TTC23L: variants seen among roughly 807,000 people sequenced by gnomAD.
The protein encoded by TTC23L is tetratricopeptide repeat domain 23 like.
TTC23L carries 42 observed loss-of-function variants against 48.1 expected under a neutral mutation model. The ratio of observed to expected loss-of-function variants is 0.87; its 90% confidence interval spans 0.68 to 1.13. TTC23L has a LOEUF of 1.13. Ranked by LOEUF, TTC23L falls within the 50% of genes most tolerant of loss-of-function variation. The pLI is 0.00. For synonymous variants in TTC23L, 159 were observed against 157.2 expected (o/e 1.01, Z -0.09); for missense variants, 391 against 421.0 (o/e 0.93, Z 0.62).
At chr5:34,880,226 C>G (rs116562281) in exon 9 of TTC23L, 4 of 1,613,116 alleles carry the variant, frequency 2.5e-6, no homozygotes, top group East Asian at 4.5e-5. Flanking sequence ...GCATATCGAG[C>G]AACATTGGGC....
Position 34,867,088 on chromosome 5 carries a change from G to A in TTC23L, c.840+19G>A. 6.2e-7 allele frequency: 1 copy of A among 1,602,152 alleles called. No individual in the cohort carries two copies. The highest frequency in any genetic ancestry group is 1.7e-5 in the Admixed American group (1 of 58,314). On this transcript the variant is annotated intron_variant, in intron 7 of 10. Coordinates refer to ENST00000505624, the Ensembl canonical transcript of TTC23L. The stretch of plus-strand genomic sequence containing the variant: ...GCAGCAGGTCAGTGGGTTGGCCAGA[G>A]CCCAGGCTGGGTTGCCTTGTTTGGC...
At chr5:34,905,084 T>C in the TTC23L span, among the ~76,000 whole-genome samples, 1 of 152,218 alleles carries the variant, frequency 6.6e-6, no homozygotes, top group African/African-American at 2.4e-5. Context: ...GCTTTTGGTG[T>C]TTCTGTTTAG....
chr5:34,882,001 G>A (rs1219879095), intron 9 of TTC23L, among the ~76,000 whole-genome samples: 2 of 152,048 alleles, frequency 1.3e-5, no homozygotes, highest in South Asian at 2.1e-4. Flanking sequence ...GTGACCGCCC[G>A]CCTCGGCCTC....
At chr5:34,850,713 G>A (rs1169262223) in intron 4 of TTC23L, among the ~76,000 whole-genome samples, 1 of 152,064 alleles carries the variant, frequency 6.6e-6, no homozygotes, top group African/African-American at 2.4e-5. Flanking sequence ...CCCAATAATG[G>A]GACTTGAATT....
At chr5:34,850,711 T>C (rs899817849) in intron 4 of TTC23L, among the ~76,000 whole-genome samples, 4 of 152,122 alleles carry the variant, frequency 2.6e-5, no homozygotes, top group Admixed American at 1.3e-4. Flanking sequence ...GACCCAATAA[T>C]GGGACTTGAA....
chr5:34,891,203 G>T (rs1416680952), intron 9 of TTC23L, among the ~76,000 whole-genome samples: 1 of 152,238 alleles, frequency 6.6e-6, no homozygotes, highest in African/African-American at 2.4e-5. Flanking sequence ...AGGCTTCTTT[G>T]TATCACCGTA....
chr5:34,925,339 C>G, the TTC23L span: 1 of 1,613,860 alleles, frequency 6.2e-7, no homozygotes, highest in East Asian at 2.2e-5. Flanking sequence ...CACATGATCC[C>G]ACTGCAGATG....
At chr5:34,913,921 G>C in the TTC23L span, 1 of 456,388 alleles carries the variant, frequency 2.2e-6, no homozygotes, top group Admixed American at 2.4e-5. Context: ...GTCTCACTAT[G>C]ATTACCCAGG....
intron 8 of TTC23L, 35 bp downstream of exon 8, chr5:34,869,048 A>G: frequency 2.0e-6 from 3 of 1,506,844 alleles, no homozygotes. Flanking sequence ...GTTATTTCCC[A>G]GTCACATGAG....
chr5:34,879,737 C>A (rs1031514568), intron 8 of TTC23L, among the ~76,000 whole-genome samples: 1 of 152,098 alleles, frequency 6.6e-6, no homozygotes, highest in African/African-American at 2.4e-5. Context: ...GTGGCTCATG[C>A]CTGTGATCCC....
intron 1 of TTC23L, among the ~76,000 whole-genome samples, chr5:34,840,172 G>A (rs1758495126): frequency 6.8e-6 from 1 of 146,672 alleles, no homozygotes; most frequent in African/African-American, 2.6e-5. Flanking sequence ...GATTACAGGC[G>A]TGAGCCTCTG....
chr5:34,913,406 C>T, the TTC23L span: 1 of 920,230 alleles, frequency 1.1e-6, no homozygotes, highest in Non-Finnish European at 1.6e-6. Context: ...TTCCAAATAA[C>T]TTCCTGTATT....
exon 3 of TTC23L, chr5:34,845,505 C>G (rs765725631): frequency 1.9e-6 from 3 of 1,613,306 alleles, no homozygotes; most frequent in Non-Finnish European, 2.5e-6. Flanking sequence ...AAACCGAGAT[C>G]CCAGCTCACC....
intron 9 of TTC23L, 81 bp downstream of exon 9, chr5:34,880,389 A>G (rs1762143400): frequency 7.1e-7 from 1 of 1,405,714 alleles, no homozygotes; most frequent in African/African-American, 1.4e-5. Flanking sequence ...CAATTCAGAT[A>G]CTGGAGATCA....
At chr5:34,903,967 T>G, downstream of TTC23L, among the ~76,000 whole-genome samples, 1 of 152,114 alleles carries the variant, frequency 6.6e-6, no homozygotes, top group Non-Finnish European at 1.5e-5. Flanking sequence ...TATTGTTATT[T>G]TTATTTTATT....
chr5:34,860,939 G>A (rs908266611), intron 4 of TTC23L: 5 of 160,238 alleles, frequency 3.1e-5, no homozygotes, highest in East Asian at 1.7e-4. Context: ...TAGTTGTGCC[G>A]TTAGCCTTTT....
At chr5:34,853,184 A>G (rs944331736) in intron 4 of TTC23L, among the ~76,000 whole-genome samples, 1 of 152,142 alleles carries the variant, frequency 6.6e-6, no homozygotes, top group African/African-American at 2.4e-5. Flanking sequence ...TCTGGGAGAA[A>G]TGAGCACATA....
At chr5:34,914,227 G>C in the TTC23L span, among the ~76,000 whole-genome samples, 45 of 152,306 alleles carry the variant, frequency 3.0e-4, no homozygotes, top group Admixed American at 4.6e-4. Context: ...GTGGAAAAAA[G>C]AGCATATATT....
intron 2 of TTC23L, among the ~76,000 whole-genome samples, chr5:34,842,922 T>A (rs1580411831): frequency 6.6e-6 from 1 of 152,086 alleles, no homozygotes; most frequent in East Asian, 1.9e-4. Flanking sequence ...GCCTCCTAGG[T>A]TCAAGCCATT....
Sources: gnomAD v4.1 joint callset for allele counts (sites outside exome capture counted in the v4.1 genomes callset) on GRCh38, gnomAD v4.1.1 for gene constraint, MANE v1.5 for transcripts, NCBI Gene and HGNC (gene_info 2026-07-23, HGNC 2026-07-21) for gene names.